IMPA1: variants seen among roughly 807,000 people sequenced by gnomAD.
The protein encoded by IMPA1 is inositol monophosphatase 1.
IMPA1 carries 21 observed loss-of-function variants against 34.9 expected under a neutral mutation model. That is an observed-to-expected ratio of 0.60 (90% CI 0.43 to 0.87). IMPA1 has a LOEUF of 0.87. Among genes scored for constraint, IMPA1 ranks in the 40% least tolerant of loss-of-function variants. The probability of loss-of-function intolerance (pLI) is 0.00; values close to 1 mark genes in which losing one functional copy is unlikely to be tolerated. For missense variants in IMPA1, 299 were observed against 336.4 expected (o/e 0.89, Z 0.87); for synonymous variants, 95 against 104.4 (o/e 0.91, Z 0.55).
intron 1 of IMPA1, among the ~76,000 whole-genome samples, chr8:81,682,957 A>G (rs560474967): frequency 6.6e-6 from 1 of 152,356 alleles, no homozygotes; most frequent in Non-Finnish European, 1.5e-5. Context: ...TCAAAAACTA[A>G]AGACTACATG....
At chr8:81,670,345 T>A (rs578072023) in intron 7 of IMPA1, among the ~76,000 whole-genome samples, 4 of 150,974 alleles carry the variant, frequency 2.6e-5, no homozygotes, top group Non-Finnish European at 2.9e-5. Flanking sequence ...GGAATTATAA[T>A]AAATTTTCTA....
rs114206107 is a variant in IMPA1 at position 81,662,049 on chromosome 8, A to C, written c.567-1382T>G. ...CTAAGTACATCCTTTATGCCAAATA[A>C]ATTTTAAAAAGGATTAGAATAACAT... On this transcript the variant is annotated intron_variant, in intron 7 of 8. Coordinates refer to ENST00000256108, the MANE Select transcript of IMPA1 (RefSeq NM_005536.4). Among the ~76,000 whole-genome samples, 1,130 of 152,332 alleles carry C rather than the reference A, an allele frequency of 7.4e-3. 10 individuals are homozygous for C. The highest frequency in any genetic ancestry group is 0.025 in the African/African-American group (1,034 of 41,574).
At chr8:81,679,533 A>G (rs1163884085) in intron 3 of IMPA1, among the ~76,000 whole-genome samples, 4 of 151,492 alleles carry the variant, frequency 2.6e-5, no homozygotes, top group Admixed American at 2.0e-4. Context: ...GAATGGCTTT[A>G]GCCTGGTAGG....
chr8:81,674,290 C>T, intron 5 of IMPA1: 1 of 202,928 alleles, frequency 4.9e-6, no homozygotes, highest in African/African-American at 2.3e-5. Flanking sequence ...ACTGCTCCAT[C>T]AGCTGATTCC....
intron 4 of IMPA1, among the ~76,000 whole-genome samples, chr8:81,677,388 C>A (rs1807161906): frequency 6.6e-6 from 1 of 152,198 alleles, no homozygotes; most frequent in Non-Finnish European, 1.5e-5. Context: ...AGCCACCGCG[C>A]CTGGCCTGTG....
At position 81,671,047 on chromosome 8, in the gene IMPA1, T is replaced by C; in HGVS notation, c.458A>G (p.Asp153Gly). ...AGTCACCAAGAGAGATTTGGTAATATCTAAAAAGAAAGTGTTAGGTTTCAA... is the reference window on the plus strand; with the variant it reads ...AGTCACCAAGAGAGATTTGGTAATACCTAAAAAGAAAGTGTTAGGTTTCAA... ...GQKLQVSQQE[D>G]ITKSLLVTEL... is the part of the protein sequence containing the mutation. The change falls in exon 7 of 9, where the codon GAT (aspartate) becomes GGT (glycine). Residue 153 changes from aspartate to glycine, a missense_variant and splice_region_variant. Transcript: ENST00000256108. 2.1e-6 allele frequency: 3 copies of C among 1,442,814 alleles called. No individual in the cohort carries two copies. Among genetic ancestry groups the C allele is most frequent in the African/African-American group, 1.5e-5 (1 of 67,206 alleles). The allele number at this position is 1,442,814 out of a possible 1,614,324, so 89.4% of individuals were successfully genotyped here. A position where few individuals can be genotyped will look rare whatever the true frequency, so the allele number is the denominator to read the frequency against.
chr8:81,679,048 A>G (rs1011355671), intron 4 of IMPA1, 78 bp downstream of exon 4: 9 of 858,012 alleles, frequency 1.0e-5, no homozygotes, highest in Admixed American at 2.1e-5. Context: ...TAAAGTGTAC[A>G]TGTTCCTAAA....
At chr8:81,670,203 AG>A (rs539119864) in intron 7 of IMPA1, among the ~76,000 whole-genome samples, 158 of 152,360 alleles carry the variant, frequency 1.0e-3, no homozygotes, top group Non-Finnish European at 2.0e-3. Flanking sequence ...TCAGTAAAAG[AG>A]GAAATACAAG....
At chr8:81,674,365 T>C in intron 5 of IMPA1, 1 of 182,908 alleles carries the variant, frequency 5.5e-6, no homozygotes, top group Non-Finnish European at 1.2e-5. Context: ...ACAAAACCTT[T>C]GAAATGTTAT....
Position 81,686,273 on chromosome 8 carries a change from C to G in IMPA1, c.-46G>C. 2 of 999,746 alleles carry G rather than the reference C, an allele frequency of 2.0e-6. No individual in the cohort carries two copies. The highest frequency in any genetic ancestry group is 2.4e-6 in the Non-Finnish European group (2 of 838,466). The allele number at this position is 999,746 out of a possible 1,614,324, so 61.9% of individuals were successfully genotyped here. A position where few individuals can be genotyped will look rare whatever the true frequency, so the allele number is the denominator to read the frequency against. On this transcript the variant is annotated 5_prime_UTR_variant, in exon 1 of 9. Coordinates refer to ENST00000256108, the MANE Select transcript of IMPA1 (RefSeq NM_005536.4). ...TCACCTTGAGTCGGAGGACGTCCGG[C>G]TAGCTCTGTGAACGGTGTTACCGCA...
At chr8:81,681,629 ATAGT>A (rs147457857) in intron 1 of IMPA1, 45 bp from the exon 2 acceptor site, 50,427 of 1,091,272 alleles carry the variant, frequency 0.046, 1,463 homozygotes, top group Middle Eastern at 0.09. Flanking sequence ...TAATTATAGA[ATAGT>A]TAGTTCACAA....
chr8:81,661,642 A>G (rs1034842005), intron 7 of IMPA1, among the ~76,000 whole-genome samples: 5 of 152,252 alleles, frequency 3.3e-5, no homozygotes, highest in African/African-American at 1.2e-4. Context: ...ATGAGAAATG[A>G]CAACTAAATG....
chr8:81,683,670 A>G (rs1022832111), intron 1 of IMPA1, among the ~76,000 whole-genome samples: 3 of 152,178 alleles, frequency 2.0e-5, no homozygotes, highest in African/African-American at 7.2e-5. Context: ...TGTAAAATCA[A>G]AAGATGTCAG....
intron 4 of IMPA1, chr8:81,678,607 G>A (rs530999483): frequency 2.8e-5 from 5 of 176,752 alleles, no homozygotes; most frequent in Admixed American, 1.2e-4. Context: ...CAGAAGAATC[G>A]CTTGAACCCG....
intron 1 of IMPA1, among the ~76,000 whole-genome samples, chr8:81,683,309 G>A (rs1416572205): frequency 6.6e-6 from 1 of 152,180 alleles, no homozygotes; most frequent in East Asian, 1.9e-4. Flanking sequence ...TCAACAGAAG[G>A]GTAGAAAGTG....
intron 7 of IMPA1, among the ~76,000 whole-genome samples, chr8:81,662,531 T>C (rs148344755): frequency 3.4e-4 from 51 of 149,812 alleles, no homozygotes; most frequent in Non-Finnish European, 2.1e-4. Flanking sequence ...GTGTAGATTC[T>C]GCACTATGTG....
chr8:81,668,420 T>C (rs1392897599), intron 7 of IMPA1, among the ~76,000 whole-genome samples: 2 of 151,918 alleles, frequency 1.3e-5, no homozygotes, highest in Non-Finnish European at 2.9e-5. Flanking sequence ...CCCATTTTTA[T>C]ACAAAATACC....
At chr8:81,683,239 G>A (rs1232061523) in intron 1 of IMPA1, among the ~76,000 whole-genome samples, 1 of 152,146 alleles carries the variant, frequency 6.6e-6, no homozygotes, top group African/African-American at 2.4e-5. Context: ...CCTCTACAGG[G>A]GGGCCTTAGG....
intron 1 of IMPA1, among the ~76,000 whole-genome samples, chr8:81,685,494 T>G (rs1807485011): frequency 7.0e-6 from 1 of 143,850 alleles, no homozygotes; most frequent in African/African-American, 2.5e-5. Flanking sequence ...GTACTATATA[T>G]AAGTATATAT....
Sources: gnomAD v4.1 joint callset for allele counts (sites outside exome capture counted in the v4.1 genomes callset) on GRCh38, gnomAD v4.1.1 for gene constraint, MANE v1.5 for transcripts, NCBI Gene and HGNC (gene_info 2026-07-23, HGNC 2026-07-21) for gene names.